Variants in FOXP2 observed in about 807,000 individuals in gnomAD.
The protein encoded by FOXP2 is forkhead box P2.
A neutral mutation model predicts 115.8 loss-of-function variants in FOXP2; 12 were observed. The observed-to-expected ratio is 0.10, with a 90% CI of 0.07 to 0.17. The LOEUF (loss-of-function observed/expected upper bound fraction) is 0.17, where lower values mean the gene tolerates loss of function less well. Among genes scored for constraint, FOXP2 ranks in the 10% least tolerant of loss-of-function variants. The pLI is 1.00. For missense variants in FOXP2, 629 were observed against 843.5 expected (o/e 0.75, Z 3.15); for synonymous variants, 328 against 297.7 (o/e 1.10, Z -1.05).
At chr7:114,360,053 T>C (rs1012929296) in intron 2 of FOXP2, among the ~76,000 whole-genome samples, 1 of 152,108 alleles carries the variant, frequency 6.6e-6, no homozygotes, top group African/African-American at 2.4e-5. Flanking sequence ...ATAATCCCCA[T>C]GTGTCATGGG....
At chr7:114,677,790 A>G (rs1807856147) in intron 16 of FOXP2, among the ~76,000 whole-genome samples, 1 of 152,196 alleles carries the variant, frequency 6.6e-6, no homozygotes, top group African/African-American at 2.4e-5. Context: ...GTGAGATTAA[A>G]CTAATCAACT....
intron 2 of FOXP2, among the ~76,000 whole-genome samples, chr7:114,462,402 TG>T (rs1226640154): frequency 7.4e-6 from 1 of 135,206 alleles, no homozygotes; most frequent in Non-Finnish European, 1.6e-5. Flanking sequence ...GACAGAGTCT[TG>T]CTCAGTCGCC....
At chr7:114,664,667 T>C (rs1471212640) in intron 16 of FOXP2, 1 of 541,292 alleles carries the variant, frequency 1.8e-6, no homozygotes, top group Non-Finnish European at 3.3e-6. Context: ...CTCTACAGAT[T>C]CTTAGTACTA....
intron 1 of FOXP2, among the ~76,000 whole-genome samples, chr7:114,250,776 T>C (rs1336023882): frequency 6.6e-6 from 1 of 152,216 alleles, no homozygotes; most frequent in African/African-American, 2.4e-5. Context: ...TAGTTTCTTT[T>C]GCTGTGCAGA....
chr7:114,240,680 G>T (rs990128968), intron 1 of FOXP2, among the ~76,000 whole-genome samples: 23 of 151,664 alleles, frequency 1.5e-4, no homozygotes, highest in African/African-American at 5.6e-4. Flanking sequence ...TTGCTATACA[G>T]ATTCTTGAAA....
chr7:114,434,673 G>A (rs947105311), intron 2 of FOXP2, among the ~76,000 whole-genome samples: 29 of 151,652 alleles, frequency 1.9e-4, no homozygotes, highest in Admixed American at 5.9e-4. Flanking sequence ...AGCCTGTTTC[G>A]TTAAGAAAAA....
chr7:114,514,756 A>G lies in FOXP2; in HGVS notation c.169-19861A>G, dbSNP rs550582436. On this transcript the variant is annotated intron_variant, in intron 2 of 16. Coordinates refer to ENST00000350908, the MANE Select transcript of FOXP2 (RefSeq NM_014491.4). ...ATTATTGAACTTTAAGTTTTAGGGT[A>G]CATGTGCACAATGTGTTATTTACAT... Among the ~76,000 whole-genome samples the G allele has an allele frequency of 7.3e-5, 11 of 151,220 alleles. No homozygotes were observed. In the East Asian group the frequency reaches 2.1e-3, roughly 29 times the overall value.
intron 2 of FOXP2, among the ~76,000 whole-genome samples, chr7:114,333,714 C>A (rs1797771584): frequency 6.6e-6 from 1 of 152,036 alleles, no homozygotes; most frequent in African/African-American, 2.4e-5. Flanking sequence ...TGGTGAAACC[C>A]CCGTCTCTAG....
At chr7:114,486,740 C>A (rs1188233859) in intron 2 of FOXP2, among the ~76,000 whole-genome samples, 1 of 152,182 alleles carries the variant, frequency 6.6e-6, no homozygotes, top group African/African-American at 2.4e-5. Flanking sequence ...ATGCAGGCCC[C>A]ATGCAAGTTT....
chr7:114,170,341 C>T (rs528061512), intron 1 of FOXP2, among the ~76,000 whole-genome samples: 1 of 152,242 alleles, frequency 6.6e-6, no homozygotes, highest in South Asian at 2.1e-4. Context: ...TCCCTCTTCC[C>T]TAAAAAACAA....
At chr7:114,644,902 C>A in intron 8 of FOXP2, 113 bp downstream of exon 8, 1 of 805,146 alleles carries the variant, frequency 1.2e-6, no homozygotes, top group Non-Finnish European at 2.0e-6. Context: ...CATTATAAGT[C>A]ATACTTCAAG....
At chr7:114,630,141 T>A in intron 5 of FOXP2, 136 bp downstream of exon 5, 1 of 1,472,402 alleles carries the variant, frequency 6.8e-7, no homozygotes, top group Non-Finnish European at 9.3e-7. Context: ...TTTACTGAGC[T>A]TAGTAACAGT....
chr7:114,232,080 A>G (rs545098822), intron 1 of FOXP2, among the ~76,000 whole-genome samples: 2 of 152,366 alleles, frequency 1.3e-5, no homozygotes, highest in African/African-American at 4.8e-5. Flanking sequence ...AAGAGGACAC[A>G]CAAATGGCCA....
intron 2 of FOXP2, among the ~76,000 whole-genome samples, chr7:114,508,431 T>C (rs562469467): frequency 6.6e-6 from 1 of 152,158 alleles, no homozygotes; most frequent in South Asian, 2.1e-4. Flanking sequence ...ACTGAAATGA[T>C]CTTTACCTTC....
intron 3 of FOXP2, among the ~76,000 whole-genome samples, chr7:114,568,529 G>T (rs961771284): frequency 6.6e-6 from 1 of 151,692 alleles, no homozygotes; most frequent in Non-Finnish European, 1.5e-5. Flanking sequence ...AGTAACTAAA[G>T]AAGATATGTT....
chr7:114,268,017 T>C (rs920273562), intron 1 of FOXP2, among the ~76,000 whole-genome samples: 4 of 152,086 alleles, frequency 2.6e-5, no homozygotes, highest in African/African-American at 7.2e-5. Flanking sequence ...TCCATGTATT[T>C]GACTACTCTA....
At chr7:114,486,349 G>C (rs1165235732) in intron 2 of FOXP2, among the ~76,000 whole-genome samples, 2 of 151,906 alleles carry the variant, frequency 1.3e-5, no homozygotes, top group East Asian at 3.9e-4. Context: ...GAAGAGGATG[G>C]GAAAAACCCA....
chr7:114,224,007 T>G (rs1794685954), intron 1 of FOXP2, among the ~76,000 whole-genome samples: 1 of 152,120 alleles, frequency 6.6e-6, no homozygotes, highest in African/African-American at 2.4e-5. Context: ...TGAGAATATA[T>G]TTTTGTGGAT....
chr7:114,600,116 T>A (rs894294564), intron 3 of FOXP2, among the ~76,000 whole-genome samples: 2 of 152,220 alleles, frequency 1.3e-5, no homozygotes, highest in African/African-American at 4.8e-5. Context: ...AATTCATATA[T>A]CTACCATTAC....
Sources: allele counts gnomAD v4.1 joint callset (sites outside exome capture counted in the v4.1 genomes callset), GRCh38; gene constraint gnomAD v4.1.1; transcripts MANE v1.5; gene names NCBI Gene and HGNC (gene_info 2026-07-23, HGNC 2026-07-21).